ANKS1B: variants seen among roughly 807,000 people sequenced by gnomAD.
ANKS1B encodes ankyrin repeat and sterile alpha motif domain containing 1B, also known as ankyrin repeat and sterile alpha motif domain-containing protein 1B.
Under a neutral mutation model 148.3 loss-of-function variants are expected in ANKS1B, and 36 were observed. That is an observed-to-expected ratio of 0.24 (90% confidence interval 0.19 to 0.32). The LOEUF (loss-of-function observed/expected upper bound fraction) is 0.32. Among genes scored for constraint, ANKS1B ranks in the 10% least tolerant of loss-of-function variants. ANKS1B has a pLI of 1.00. For synonymous variants in ANKS1B, 542 were observed against 560.8 expected, an observed-to-expected ratio of 0.97 and a Z score of 0.47; for missense variants, 1,157 against 1,542.6, an observed-to-expected ratio of 0.75 and a Z score of 4.19.
chr12:99,693,291 G>T (rs1207726086), intron 8 of ANKS1B, among the ~76,000 whole-genome samples: 2 of 152,156 alleles, frequency 1.3e-5, no homozygotes, highest in Non-Finnish European at 2.9e-5. Flanking sequence ...TTAAATGGTA[G>T]ACTTAACAAA....
chr12:99,407,207 T>A (rs2094551275), intron 11 of ANKS1B, among the ~76,000 whole-genome samples: 1 of 146,068 alleles, frequency 6.8e-6, no homozygotes, highest in Non-Finnish European at 1.5e-5. Context: ...ATCCCAGGGA[T>A]GCAAGGATGG....
chr12:99,245,871 G>GA (rs2090141865), intron 13 of ANKS1B, among the ~76,000 whole-genome samples: 2 of 152,162 alleles, frequency 1.3e-5, no homozygotes, highest in African/African-American at 4.8e-5. Context: ...GAGCTCTTCT[G>GA]AAAATATAAG....
intron 14 of ANKS1B, among the ~76,000 whole-genome samples, chr12:99,163,251 T>A (rs1445702830): frequency 1.3e-5 from 2 of 152,174 alleles, no homozygotes; most frequent in African/African-American, 4.8e-5. Context: ...CTGATATACA[T>A]CCTTTTATTT....
chr12:98,855,160 C>A (rs895618808), intron 17 of ANKS1B, among the ~76,000 whole-genome samples: 4 of 136,094 alleles, frequency 2.9e-5, no homozygotes, highest in African/African-American at 6.3e-5. Flanking sequence ...AGCGAGACTC[C>A]GTCTCAAAAA....
At chr12:99,688,655 A>C (rs1184175761) in intron 8 of ANKS1B, among the ~76,000 whole-genome samples, 3 of 152,198 alleles carry the variant, frequency 2.0e-5, no homozygotes, top group South Asian at 4.2e-4. Context: ...TGGGCAACAT[A>C]ACAAGACTTG....
intron 8 of ANKS1B, among the ~76,000 whole-genome samples, chr12:99,721,024 T>C (rs1251617558): frequency 1.3e-5 from 2 of 152,236 alleles, no homozygotes; most frequent in Non-Finnish European, 2.9e-5. Flanking sequence ...CTTTAATACC[T>C]GCTTTTCTCT....
intron 1 of ANKS1B, among the ~76,000 whole-genome samples, chr12:99,939,187 G>A (rs772055017): frequency 1.3e-5 from 2 of 152,064 alleles, no homozygotes; most frequent in Non-Finnish European, 2.9e-5. Flanking sequence ...GACCTACTGG[G>A]CTCAAGGAAT....
At chr12:99,687,524 C>G (rs973656817) in intron 8 of ANKS1B, among the ~76,000 whole-genome samples, 2 of 151,676 alleles carry the variant, frequency 1.3e-5, no homozygotes, top group African/African-American at 4.8e-5. Flanking sequence ...TTTTTCAATC[C>G]TTCTTCTTTC....
At chr12:99,867,481 C>T (rs1007997081) in intron 1 of ANKS1B, among the ~76,000 whole-genome samples, 8 of 152,194 alleles carry the variant, frequency 5.3e-5, no homozygotes, top group African/African-American at 1.9e-4. Flanking sequence ...GAAGGCCTCA[C>T]AATCATGGTA....
intron 17 of ANKS1B, among the ~76,000 whole-genome samples, chr12:98,928,828 C>G (rs641985): frequency 6.6e-6 from 1 of 151,780 alleles, no homozygotes; most frequent in Non-Finnish European, 1.5e-5. Context: ...AGAACCCATA[C>G]GGCTAAAATA....
chr12:99,123,231 G>A (rs1288522077), intron 15 of ANKS1B, among the ~76,000 whole-genome samples: 4 of 152,154 alleles, frequency 2.6e-5, no homozygotes, highest in Non-Finnish European at 2.9e-5. Flanking sequence ...GGAGACAGGT[G>A]CTGTGTTAGG....
chr12:99,018,640 G>T (rs1341438900), intron 17 of ANKS1B, among the ~76,000 whole-genome samples: 1 of 152,090 alleles, frequency 6.6e-6, no homozygotes, highest in East Asian at 1.9e-4. Flanking sequence ...ATTTACTGAT[G>T]GTTAATCTAA....
chr12:99,665,800 CTGTGT>C (rs2098503871), intron 8 of ANKS1B, among the ~76,000 whole-genome samples: 2 of 152,122 alleles, frequency 1.3e-5, no homozygotes, highest in Non-Finnish European at 1.5e-5. Context: ...CTTCTTATTG[CTGTGT>C]TGTAAGAGTA....
At chr12:98,968,342 T>C (rs554898702) in intron 17 of ANKS1B, among the ~76,000 whole-genome samples, 1 of 152,268 alleles carries the variant, frequency 6.6e-6, no homozygotes, top group East Asian at 1.9e-4. Flanking sequence ...ACCCCAGATC[T>C]ACTGAAACAG....
chr12:99,118,873 C>T (rs2062033983), intron 15 of ANKS1B, among the ~76,000 whole-genome samples: 1 of 152,092 alleles, frequency 6.6e-6, no homozygotes, highest in African/African-American at 2.4e-5. Context: ...ATTTCCTGAG[C>T]TTCTCTTATG....
At chr12:99,481,702 GTTGTTTGACTTTTTAGTAATGGCCATTC>G (rs988275875) in intron 10 of ANKS1B, among the ~76,000 whole-genome samples, 2 of 151,794 alleles carry the variant, frequency 1.3e-5, no homozygotes, top group Non-Finnish European at 2.9e-5. Flanking sequence ...ACCAACATTT[GTTGTTTGACTTTTTAGTAATGGCCATTC>G]TTGCAGGAGT....
At chr12:99,857,413 C>T (rs1306567299) in intron 1 of ANKS1B, among the ~76,000 whole-genome samples, 6 of 152,092 alleles carry the variant, frequency 3.9e-5, no homozygotes, top group Non-Finnish European at 5.9e-5. Context: ...GGAAACATAT[C>T]CCATGGTCAT....
At chr12:99,938,898 G>A (rs2094847156) in intron 1 of ANKS1B, among the ~76,000 whole-genome samples, 1 of 152,200 alleles carries the variant, frequency 6.6e-6, no homozygotes, top group Non-Finnish European at 1.5e-5. Context: ...CGGCCCCGCA[G>A]ACGCTGGTAG....
chr12:99,273,238 GT>G (rs1243207878), intron 12 of ANKS1B, among the ~76,000 whole-genome samples: 1 of 152,098 alleles, frequency 6.6e-6, no homozygotes, highest in Non-Finnish European at 1.5e-5. Flanking sequence ...CCTGCTTTCT[GT>G]TCATAAAAGC....
Sources: allele counts gnomAD v4.1 joint callset (sites outside exome capture counted in the v4.1 genomes callset), GRCh38; gene constraint gnomAD v4.1.1; transcripts MANE v1.5; gene names NCBI Gene and HGNC (gene_info 2026-07-23, HGNC 2026-07-21).